Variants in SYTL2 observed in about 807,000 individuals in gnomAD.
SYTL2 encodes synaptotagmin like 2.
SYTL2 carries 165 observed loss-of-function variants against 198.7 expected under a neutral mutation model. That is an observed-to-expected ratio of 0.83 (90% CI 0.73 to 0.94). The LOEUF is 0.94. Ranked by LOEUF, SYTL2 falls within the 40% of genes least tolerant of loss-of-function variation. SYTL2 has a pLI of 0.00. For synonymous variants in SYTL2, 966 were observed against 917.7 expected, an observed-to-expected ratio of 1.05 and a Z score of -0.95; for missense variants, 2,835 against 2,582.8, an observed-to-expected ratio of 1.10 and a Z score of -2.12.
chr11:85,796,715 T>TC (rs2092809158), intron 1 of SYTL2, among the ~76,000 whole-genome samples: 1 of 152,160 alleles, frequency 6.6e-6, no homozygotes, highest in Admixed American at 6.6e-5. Context: ...ATCAACTGTT[T>TC]CCCCACAATC....
chr11:85,813,712 C>T (rs201206587), upstream of SYTL2, among the ~76,000 whole-genome samples: 52 of 141,794 alleles, frequency 3.7e-4, 1 homozygote, highest in South Asian at 6.6e-3. Context: ...CCCTCCCTCC[C>T]TCCTTTCCTT....
At chr11:85,817,204 A>G in the SYTL2 span, among the ~76,000 whole-genome samples, 1 of 152,214 alleles carries the variant, frequency 6.6e-6, no homozygotes, top group Non-Finnish European at 1.5e-5. Context: ...CCTACCTGCC[A>G]GGAACTAGAC....
intron 8 of SYTL2, among the ~76,000 whole-genome samples, chr11:85,722,490 G>A (rs1247302524): frequency 1.3e-5 from 2 of 151,908 alleles, no homozygotes; most frequent in Non-Finnish European, 2.9e-5. Context: ...ATTATTTAAC[G>A]CTGCCTTTTT....
chr11:85,705,096 T>C (rs1232205977), intron 15 of SYTL2, 68 bp from the exon 16 acceptor site: 2 of 1,296,872 alleles, frequency 1.5e-6, no homozygotes, highest in African/African-American at 1.5e-5. Flanking sequence ...AACACAGAGA[T>C]GAAGAGAAAT....
At chr11:85,810,015 G>A (rs1047656451) in intron 1 of SYTL2, among the ~76,000 whole-genome samples, 2 of 152,224 alleles carry the variant, frequency 1.3e-5, no homozygotes. Flanking sequence ...GGGAATGGCT[G>A]CCAACAAGGG....
intron 1 of SYTL2, among the ~76,000 whole-genome samples, chr11:85,768,844 C>T (rs1000440064): frequency 1.3e-5 from 2 of 152,118 alleles, no homozygotes; most frequent in South Asian, 2.1e-4. Context: ...CTAAATCTTT[C>T]CATCTTAGGC....
chr11:85,714,681 A>G lies in SYTL2; in HGVS notation c.5531-174T>C, dbSNP rs150241996. The G allele has an allele frequency of 4.6e-5, 61 of 1,338,994 alleles. No individual in the cohort carries two copies. The African/African-American group carries it at 9.1e-4, about 20-fold the overall frequency. The allele number at this position is 1,338,994 out of a possible 1,614,324, so 82.9% of individuals were successfully genotyped here. ...ATGAGATTAGCAACATGCAGTTTTTATAAATTATATAGAGAGAGAACTAGC... is the reference window on the plus strand; with the variant it reads ...ATGAGATTAGCAACATGCAGTTTTTGTAAATTATATAGAGAGAGAACTAGC... On this transcript the variant is annotated intron_variant, in intron 11 of 19. Coordinates refer to ENST00000359152, the MANE Select transcript of SYTL2 (RefSeq NM_206927.4).
At chr11:85,737,316 C>G (rs970969500) in intron 5 of SYTL2, among the ~76,000 whole-genome samples, 3 of 152,102 alleles carry the variant, frequency 2.0e-5, no homozygotes, top group African/African-American at 7.2e-5. Context: ...AGCAGCAGCA[C>G]CAAATAGCTT....
At chr11:85,838,326 C>T in the SYTL2 span, among the ~76,000 whole-genome samples, 676 of 152,108 alleles carry the variant, frequency 4.4e-3, 4 homozygotes, top group African/African-American at 0.016. Flanking sequence ...CCATATTTTG[C>T]GTTACACAAA....
chr11:85,724,075 A>G lies in SYTL2; in HGVS notation c.5283T>C (p.Asp1761=). 1 of 1,555,420 alleles carries G rather than the reference A, an allele frequency of 6.4e-7. No homozygotes were observed. Among genetic ancestry groups the G allele is most frequent in the African/African-American group, 1.4e-5 (1 of 72,212 alleles). The change falls in exon 8 of 20, where the codon GAT becomes GAC. Residue 1761 remains aspartate, a synonymous_variant. Transcript: ENST00000359152. ...KEGFSESDFS[D]GNTSSNAESW... ...TCTCTGCATTAGAACTGGTGTTTCC[A>G]TCTGAAAAATCAGACTCAGAGAAAC... is the stretch of plus-strand genomic sequence containing the variant.
At chr11:85,700,616 C>T in intron 16 of SYTL2, 23 bp from the exon 17 acceptor site, 1 of 1,593,186 alleles carries the variant, frequency 6.3e-7, no homozygotes, top group Admixed American at 1.7e-5. Flanking sequence ...GAAATGTCAG[C>T]AGGTGGGAGA....
At chr11:85,799,799 G>C (rs2092857925) in intron 1 of SYTL2, among the ~76,000 whole-genome samples, 1 of 152,064 alleles carries the variant, frequency 6.6e-6, no homozygotes, top group Non-Finnish European at 1.5e-5. Context: ...CACACTGAGT[G>C]GTAATTACAG....
chr11:85,725,970 C>A lies in SYTL2; in HGVS notation c.3388G>T (p.Asp1130Tyr). 6.2e-7 allele frequency: 1 copy of A among 1,614,150 alleles called. No homozygotes were observed. Among genetic ancestry groups the A allele is most frequent in the Non-Finnish European group, 8.5e-7 (1 of 1,180,008 alleles). Residue 1130 changes from aspartate (D) to tyrosine (Y), a missense_variant, in exon 8 of 20, where the codon GAC becomes TAC. Transcript: ENST00000359152. Reference sequence around the variant, plus strand: ...TTCTGCAAGCTGTCATTAAAAGTGTCTTTGCAGTCTTTAGACAAAACATTG... The same window carrying A: ...TTCTGCAAGCTGTCATTAAAAGTGTATTTGCAGTCTTTAGACAAAACATTG... ...KTNVLSKDCK[D>Y]TFNDSLQKLL...
rs575369172 is a variant in SYTL2, at chr11:85,767,316, G to A, written c.-389-9202C>T. ...CCTCTAGGACATACACAATTTCAAC[G>A]TAAATAAGGATTTGCAAACTGGCTA... On this transcript the variant is annotated intron_variant, in intron 1 of 19. Coordinates refer to ENST00000359152, the MANE Select transcript of SYTL2 (RefSeq NM_206927.4). Among the ~76,000 whole-genome samples, 14 of 152,280 alleles carry A rather than the reference G, an allele frequency of 9.2e-5. No homozygotes were observed. In the South Asian group the frequency reaches 2.1e-3, roughly 23 times the overall value.
Position 85,726,801 on chromosome 11 carries a change from T to G in SYTL2, c.2557A>C (p.Ile853Leu). Residue 853 changes from isoleucine (I) to leucine (L), a missense_variant, in exon 8 of 20, where the codon ATT (isoleucine) becomes CTT (leucine). Ile to Leu is a conservative substitution (Grantham distance 5). Transcript: ENST00000359152. ...TCATCTAAGACCACTCGTTTGGGAA[T>G]GGCCTGATTATATTCACTCTGGTCT... ...STDQSEYNQA[I>L]PKRVVLDEDD... 1 of 1,536,292 alleles carries G rather than the reference T, an allele frequency of 6.5e-7. No individual in the cohort carries two copies. Among genetic ancestry groups the G allele is most frequent in the Non-Finnish European group, 8.7e-7 (1 of 1,146,912 alleles).
intron 18 of SYTL2, 74 bp from the exon 19 acceptor site, chr11:85,696,462 A>C: frequency 1.7e-6 from 2 of 1,187,880 alleles, no homozygotes; most frequent in Non-Finnish European, 2.5e-6. Context: ...ACATAACAAC[A>C]CAGCTATTAA....
chr11:85,837,820 A>G, the SYTL2 span, among the ~76,000 whole-genome samples: 1 of 152,182 alleles, frequency 6.6e-6, no homozygotes, highest in Non-Finnish European at 1.5e-5. Flanking sequence ...ACTTTCTGCA[A>G]TCCCACAATG....
chr11:85,842,413 C>G, the SYTL2 span, among the ~76,000 whole-genome samples: 2 of 152,246 alleles, frequency 1.3e-5, no homozygotes, highest in East Asian at 3.8e-4. Context: ...CCAGCTTCCT[C>G]ACCCTTTGGG....
intron 7 of SYTL2, 125 bp from the exon 8 acceptor site, chr11:85,728,092 C>G: frequency 1.2e-6 from 1 of 809,278 alleles, no homozygotes; most frequent in Non-Finnish European, 1.9e-6. Flanking sequence ...GCTGTTTATA[C>G]CAGCATTTTT....
Sources: allele counts gnomAD v4.1 joint callset (sites outside exome capture counted in the v4.1 genomes callset), GRCh38; gene constraint gnomAD v4.1.1; transcripts MANE v1.5; gene names NCBI Gene and HGNC (gene_info 2026-07-23, HGNC 2026-07-21).